NRG3: variants seen among roughly 807,000 people sequenced by gnomAD.
NRG3 encodes the protein neuregulin 3.
A neutral mutation model predicts 66.9 loss-of-function variants in NRG3; 31 were observed. That is an observed-to-expected ratio of 0.46 (90% CI 0.35 to 0.63). The LOEUF is 0.63. Among genes scored for constraint, NRG3 ranks in the 20% least tolerant of loss-of-function variants. NRG3 has a pLI of 0.00. For synonymous variants in NRG3, 393 were observed against 359.4 expected (o/e 1.09, Z -1.06); for missense variants, 910 against 878.9 (o/e 1.04, Z -0.45).
chr10:82,527,964 G>T (rs1759860542), intron 2 of NRG3, among the ~76,000 whole-genome samples: 1 of 151,092 alleles, frequency 6.6e-6, no homozygotes, highest in African/African-American at 2.4e-5. Flanking sequence ...TGGGGGTGGG[G>T]CTGGCTTATA....
At chr10:82,061,872 A>AAACAC (rs2064171631) in intron 1 of NRG3, among the ~76,000 whole-genome samples, 5 of 127,616 alleles carry the variant, frequency 3.9e-5, no homozygotes, top group Non-Finnish European at 7.0e-5. Context: ...CACACACACA[A>AAACAC]ACACACACAC....
intron 2 of NRG3, among the ~76,000 whole-genome samples, chr10:82,468,598 C>T (rs1395178529): frequency 6.6e-6 from 1 of 152,166 alleles, no homozygotes; most frequent in Non-Finnish European, 1.5e-5. Flanking sequence ...ACAGGTGACA[C>T]AAAAAGACCT....
chr10:82,908,380 C>G (rs778854471), intron 4 of NRG3, among the ~76,000 whole-genome samples: 7 of 152,162 alleles, frequency 4.6e-5, no homozygotes, highest in Admixed American at 3.3e-4. Flanking sequence ...AAGAAATCCA[C>G]CTCGGTACCC....
At chr10:82,604,372 C>A (rs1219052098) in intron 2 of NRG3, among the ~76,000 whole-genome samples, 1 of 152,104 alleles carries the variant, frequency 6.6e-6, no homozygotes, top group Non-Finnish European at 1.5e-5. Context: ...CATGGCTTGA[C>A]AGCTTATTTC....
chr10:82,605,416 C>A (rs2133439666), intron 2 of NRG3, among the ~76,000 whole-genome samples: 1 of 152,104 alleles, frequency 6.6e-6, no homozygotes, highest in East Asian at 1.9e-4. Flanking sequence ...GTCTCACATA[C>A]CAGCAACAAA....
chr10:82,096,508 C>CA (rs1015162181), intron 1 of NRG3, among the ~76,000 whole-genome samples: 7 of 151,004 alleles, frequency 4.6e-5, no homozygotes, highest in South Asian at 2.1e-4. Flanking sequence ...ACAACAACCA[C>CA]AAAAAAAACA....
intron 5 of NRG3, among the ~76,000 whole-genome samples, chr10:82,952,453 G>A (rs1337740177): frequency 9.0e-6 from 1 of 111,534 alleles, no homozygotes; most frequent in Admixed American, 9.7e-5. Flanking sequence ...AGATATAAAC[G>A]TCTCTCTCTC....
intron 6 of NRG3, among the ~76,000 whole-genome samples, chr10:82,970,621 A>G (rs1851634110): frequency 6.6e-6 from 1 of 152,164 alleles, no homozygotes; most frequent in African/African-American, 2.4e-5. Context: ...TCTTAAGAAT[A>G]GTCTTTAACA....
intron 3 of NRG3, among the ~76,000 whole-genome samples, chr10:82,831,712 G>T (rs2062533022): frequency 6.6e-6 from 1 of 152,156 alleles, no homozygotes; most frequent in Admixed American, 6.5e-5. Context: ...TACTCGGGAG[G>T]CTGAGGCAGG....
At chr10:82,795,847 T>C (rs1223291269) in intron 3 of NRG3, among the ~76,000 whole-genome samples, 3 of 152,112 alleles carry the variant, frequency 2.0e-5, no homozygotes, top group Non-Finnish European at 2.9e-5. Context: ...TTATGTGGCA[T>C]TTAGCATGAG....
chr10:82,666,445 C>A (rs1211105242), intron 2 of NRG3, among the ~76,000 whole-genome samples: 1 of 152,180 alleles, frequency 6.6e-6, no homozygotes, highest in Non-Finnish European at 1.5e-5. Flanking sequence ...CAGAGTGAGA[C>A]CCTATTCCCA....
intron 1 of NRG3, among the ~76,000 whole-genome samples, chr10:81,928,690 A>G (rs1847057673): frequency 6.6e-6 from 1 of 152,348 alleles, no homozygotes; most frequent in South Asian, 2.1e-4. Context: ...CCACCAATAG[A>G]GAAGTGATTG....
chr10:82,187,600 AT>A (rs964243629), intron 1 of NRG3, among the ~76,000 whole-genome samples: 2 of 151,796 alleles, frequency 1.3e-5, no homozygotes, highest in Admixed American at 6.6e-5. Context: ...AGATACTGTG[AT>A]TTTTTTTGCG....
intron 1 of NRG3, among the ~76,000 whole-genome samples, chr10:82,036,712 C>T (rs2062807439): frequency 6.6e-6 from 1 of 152,094 alleles, no homozygotes; most frequent in South Asian, 2.1e-4. Context: ...ACTTTTGTAA[C>T]TTGCATGACT....
chr10:82,865,555 G>A, intron 4 of NRG3, 118 bp downstream of exon 4: 4 of 1,029,776 alleles, frequency 3.9e-6, no homozygotes, highest in Middle Eastern at 2.1e-4. Flanking sequence ...GATGCTATTA[G>A]TAGGAAAAAA....
intron 2 of NRG3, among the ~76,000 whole-genome samples, chr10:82,454,026 C>T (rs927792162): frequency 1.3e-5 from 2 of 152,176 alleles, no homozygotes; most frequent in African/African-American, 2.4e-5. Context: ...ATATTTTGTT[C>T]CCTTTCTGGG....
At chr10:82,067,537 G>T (rs956402539) in intron 1 of NRG3, among the ~76,000 whole-genome samples, 1 of 152,124 alleles carries the variant, frequency 6.6e-6, no homozygotes. Context: ...TAGTAGAGAC[G>T]GGTTTTCGCC....
chr10:81,937,823 T>C (rs115992917), intron 1 of NRG3, among the ~76,000 whole-genome samples: 1,599 of 152,228 alleles, frequency 0.011, 25 homozygotes, highest in African/African-American at 0.037. Context: ...TCGCCAAATC[T>C]AATGTTATAA....
At chr10:82,676,413 C>T (rs899120028) in intron 2 of NRG3, among the ~76,000 whole-genome samples, 32 of 152,212 alleles carry the variant, frequency 2.1e-4, no homozygotes, top group African/African-American at 7.7e-4. Context: ...CCCCAGCCAC[C>T]CTCTTATTCA....
Sources: gnomAD v4.1 joint callset for allele counts (sites outside exome capture counted in the v4.1 genomes callset) on GRCh38, gnomAD v4.1.1 for gene constraint, MANE v1.5 for transcripts, NCBI Gene and HGNC (gene_info 2026-07-23, HGNC 2026-07-21) for gene names.